The following APP variants were observed in gnomAD, a reference collection of about 807,000 sequenced individuals.
APP encodes amyloid-beta precursor protein.
APP carries 31 observed loss-of-function variants against 101.4 expected under a neutral mutation model. The ratio of observed to expected loss-of-function variants is 0.31; its 90% CI spans 0.23 to 0.41. The LOEUF is 0.41. APP is among the 10% of genes least tolerant of loss of function. The pLI, the probability that APP is intolerant of heterozygous loss-of-function variation, is 1.00. For missense variants in APP, 839 were observed against 1,003.7 expected (o/e 0.84, Z 2.22); for synonymous variants, 366 against 364.4 (o/e 1.00, Z -0.05).
chr21:26,126,130 T>C (rs2062678653), intron 1 of APP, among the ~76,000 whole-genome samples: 1 of 152,134 alleles, frequency 6.6e-6, no homozygotes, highest in Non-Finnish European at 1.5e-5. Context: ...AGCACAAAAA[T>C]TTTTTCACAA....
intron 2 of APP, among the ~76,000 whole-genome samples, chr21:26,110,641 C>T (rs1227588986): frequency 1.3e-5 from 2 of 152,026 alleles, no homozygotes; most frequent in African/African-American, 4.8e-5. Flanking sequence ...CTTTCTTAAA[C>T]AGAGCGCTAT....
chr21:25,982,846 T>C (rs2042487965), intron 8 of APP, among the ~76,000 whole-genome samples: 2 of 152,210 alleles, frequency 1.3e-5, no homozygotes, highest in African/African-American at 2.4e-5. Flanking sequence ...TGAAAGTAAA[T>C]GATGATATCA....
At chr21:26,058,007 A>T (rs931840333) in intron 3 of APP, among the ~76,000 whole-genome samples, 6 of 152,332 alleles carry the variant, frequency 3.9e-5, no homozygotes, top group Middle Eastern at 3.4e-3. Context: ...ACCGTGGCTT[A>T]AACACACGGT....
At chr21:26,070,953 C>T (rs986068993) in intron 3 of APP, among the ~76,000 whole-genome samples, 3 of 152,148 alleles carry the variant, frequency 2.0e-5, no homozygotes, top group African/African-American at 7.2e-5. Flanking sequence ...ATTTCTGCTT[C>T]CTTTGCTACT....
intron 3 of APP, among the ~76,000 whole-genome samples, chr21:26,083,162 T>C (rs2146085278): frequency 6.6e-6 from 1 of 152,304 alleles, no homozygotes; most frequent in Non-Finnish European, 1.5e-5. Flanking sequence ...ACACCAACTA[T>C]AAGATTTGCA....
At chr21:25,894,146 A>C (rs2146248552) in intron 16 of APP, among the ~76,000 whole-genome samples, 1 of 152,168 alleles carries the variant, frequency 6.6e-6, no homozygotes, top group East Asian at 1.9e-4. Flanking sequence ...CTCAGAAAAG[A>C]CTCATTTCAA....
At chr21:26,129,775 A>G (rs1289531415) in intron 1 of APP, among the ~76,000 whole-genome samples, 1 of 152,226 alleles carries the variant, frequency 6.6e-6, no homozygotes, top group Non-Finnish European at 1.5e-5. Context: ...TGTTGTTTCC[A>G]TGATACGAGC....
At chr21:26,085,689 TA>T (rs1367557237) in intron 3 of APP, among the ~76,000 whole-genome samples, 1 of 152,208 alleles carries the variant, frequency 6.6e-6, no homozygotes, top group African/African-American at 2.4e-5. Context: ...TACCCTGGTA[TA>T]AAATGTCACA....
chr21:26,057,272 T>G (rs1462068840), intron 3 of APP, among the ~76,000 whole-genome samples: 2 of 152,212 alleles, frequency 1.3e-5, no homozygotes, highest in Non-Finnish European at 2.9e-5. Flanking sequence ...AATTCTGATG[T>G]AAGAGATCAA....
intron 1 of APP, among the ~76,000 whole-genome samples, chr21:26,122,229 T>C (rs2062589231): frequency 6.6e-6 from 1 of 152,040 alleles, no homozygotes; most frequent in Admixed American, 6.6e-5. Flanking sequence ...TGGGGAGAGG[T>C]AGTTAGCGGG....
chr21:25,924,443 T>TAAAAAAAA (rs1569061920), intron 13 of APP, among the ~76,000 whole-genome samples: 24 of 88,638 alleles, frequency 2.7e-4, no homozygotes, highest in East Asian at 1.9e-3. Context: ...AAAAAAAAGG[T>TAAAAAAAA]TGAGTTCATG....
At chr21:26,097,422 G>A (rs1383137757) in intron 2 of APP, among the ~76,000 whole-genome samples, 2 of 152,124 alleles carry the variant, frequency 1.3e-5, no homozygotes, top group Admixed American at 6.5e-5. Context: ...CATTCAATCA[G>A]GGACTTTCAG....
chr21:25,892,794 G>T (rs1366440640), intron 16 of APP, among the ~76,000 whole-genome samples: 2 of 152,074 alleles, frequency 1.3e-5, no homozygotes, highest in Non-Finnish European at 2.9e-5. Flanking sequence ...AATTATAGAA[G>T]CACACCACAA....
At position 26,037,005 on chromosome 21, in the gene APP, C is replaced by T. The variant is rs1453953512; in HGVS notation, c.662+13995G>A. On this transcript the variant is annotated intron_variant, in intron 5 of 17. Transcript: ENST00000346798. ...GTGTGTGTATGTGTGTGTGTCCGTG[C>T]GTGCATGCACGTATAATGAAATACT... 5.3e-5 allele frequency among the ~76,000 whole-genome samples: 8 copies of T among 151,992 alleles called. 1 individual carries two copies. Among genetic ancestry groups the T allele is most frequent in the Middle Eastern group, 3.4e-3 (1 of 294 alleles).
At chr21:26,113,247 C>G (rs2062367122) in intron 1 of APP, among the ~76,000 whole-genome samples, 1 of 152,194 alleles carries the variant, frequency 6.6e-6, no homozygotes, top group African/African-American at 2.4e-5. Context: ...TTCACACACT[C>G]AAGAACTGGG....
At chr21:25,959,165 T>C (rs2041466334) in intron 11 of APP, among the ~76,000 whole-genome samples, 1 of 152,250 alleles carries the variant, frequency 6.6e-6, no homozygotes, top group Admixed American at 6.5e-5. Context: ...CCAGGCGCCG[T>C]GGCTCACGCC....
At chr21:26,016,061 C>T (rs942617804) in intron 6 of APP, among the ~76,000 whole-genome samples, 3 of 151,830 alleles carry the variant, frequency 2.0e-5, no homozygotes, top group African/African-American at 4.8e-5. Flanking sequence ...GACGGAGTCT[C>T]GCTCTTGTCG....
chr21:26,062,211 A>G (rs978016428), intron 3 of APP, among the ~76,000 whole-genome samples: 2 of 105,260 alleles, frequency 1.9e-5, no homozygotes, highest in Non-Finnish European at 4.2e-5. Flanking sequence ...CTCTGTCTCA[A>G]AAAACAAACA....
At chr21:26,026,214 T>C (rs1362918361) in intron 5 of APP, among the ~76,000 whole-genome samples, 8 of 152,246 alleles carry the variant, frequency 5.3e-5, no homozygotes, top group Non-Finnish European at 1.2e-4. Flanking sequence ...GGAACATTCA[T>C]ACCACATTCG....
Sources: allele counts gnomAD v4.1 joint callset (sites outside exome capture counted in the v4.1 genomes callset), GRCh38; gene constraint gnomAD v4.1.1; transcripts MANE v1.5; gene names NCBI Gene and HGNC (gene_info 2026-07-23, HGNC 2026-07-21).